TOM1L2: variants seen among roughly 807,000 people sequenced by gnomAD.
TOM1L2 encodes the protein target of myb1 like 2 membrane trafficking protein.
Under a neutral mutation model 67.9 loss-of-function variants are expected in TOM1L2, and 31 were observed. That is an observed-to-expected ratio of 0.46 (90% CI 0.34 to 0.62). The LOEUF (loss-of-function observed/expected upper bound fraction) is 0.62, where lower values mean the gene tolerates loss of function less well. Among genes scored for constraint, TOM1L2 ranks in the 20% least tolerant of loss-of-function variants. The pLI, the probability that TOM1L2 is intolerant of heterozygous loss-of-function variation, is 0.01. For missense variants in TOM1L2, 606 were observed against 663.5 expected, an observed-to-expected ratio of 0.91 and a Z score of 0.95; for synonymous variants, 256 against 254.0, an observed-to-expected ratio of 1.01 and a Z score of -0.07.
chr17:17,943,352 A>G (rs1417951733), intron 1 of TOM1L2, among the ~76,000 whole-genome samples: 1 of 152,140 alleles, frequency 6.6e-6, no homozygotes, highest in Non-Finnish European at 1.5e-5. Flanking sequence ...TAGGAAGGCA[A>G]AGCAGTCTCT....
intron 10 of TOM1L2, 90 bp downstream of exon 10, chr17:17,866,206 T>C (rs2036840829): frequency 2.8e-6 from 4 of 1,445,262 alleles, no homozygotes; most frequent in Non-Finnish European, 3.7e-6. Flanking sequence ...AGACTCTCTT[T>C]GGGTCTTCCA....
At chr17:17,883,232 T>C (rs2037820844) in intron 5 of TOM1L2, among the ~76,000 whole-genome samples, 1 of 152,238 alleles carries the variant, frequency 6.6e-6, no homozygotes, top group South Asian at 2.1e-4. Flanking sequence ...ATCACAGATC[T>C]TTACTTGGTA....
intron 14 of TOM1L2, among the ~76,000 whole-genome samples, chr17:17,848,341 G>A (rs949385333): frequency 6.6e-6 from 1 of 152,184 alleles, no homozygotes; most frequent in Non-Finnish European, 1.5e-5. Context: ...GATGGAGTGG[G>A]GCAAGATGAG....
Position 17,892,178 on chromosome 17 carries a change from T to C in TOM1L2, c.366+1483A>G, listed in dbSNP as rs1256746584. ...GAGGAGGAGTCACTGCTCTGAAAGCTGGGGAAAGACCTTTCAGGCAGAGGG... is the reference window on the plus strand; with the variant it reads ...GAGGAGGAGTCACTGCTCTGAAAGCCGGGGAAAGACCTTTCAGGCAGAGGG... On this transcript the variant is annotated intron_variant, in intron 4 of 14. Transcript: ENST00000379504. Among the ~76,000 whole-genome samples the C allele has an allele frequency of 3.3e-5, 5 of 152,156 alleles. 1 individual carries two copies. The South Asian group carries it at 8.3e-4, about 25-fold the overall frequency.
At chr17:17,925,024 A>G (rs1005387819) in intron 1 of TOM1L2, among the ~76,000 whole-genome samples, 41 of 150,690 alleles carry the variant, frequency 2.7e-4, no homozygotes, top group Admixed American at 3.3e-4. Context: ...TCCCTCCTCC[A>G]CTCTCTCTCT....
chr17:17,865,998 T>A (rs1465007097), intron 10 of TOM1L2, among the ~76,000 whole-genome samples: 1 of 152,088 alleles, frequency 6.6e-6, no homozygotes, highest in Non-Finnish European at 1.5e-5. Context: ...CACCTCGGCC[T>A]CCCATAGTGC....
chr17:17,914,954 G>A (rs2039568091), intron 1 of TOM1L2, among the ~76,000 whole-genome samples: 2 of 152,158 alleles, frequency 1.3e-5, no homozygotes, highest in Non-Finnish European at 2.9e-5. Flanking sequence ...TTGCACAAAT[G>A]TTTTGAGCAA....
intron 7 of TOM1L2, chr17:17,869,770 T>G (rs1362842620): frequency 1.1e-6 from 1 of 950,380 alleles, no homozygotes; most frequent in African/African-American, 1.7e-5. Context: ...CTTTCCAGAT[T>G]GCTTTTTCTC....
intron 1 of TOM1L2, among the ~76,000 whole-genome samples, chr17:17,940,192 CA>C (rs34433429): frequency 0.056 from 1,826 of 32,544 alleles, 18 homozygotes; most frequent in African/African-American, 0.13. Context: ...GACTCTATCT[CA>C]AAAAAAAAAA....
At chr17:17,938,622 A>C (rs2040600564) in intron 1 of TOM1L2, among the ~76,000 whole-genome samples, 1 of 152,166 alleles carries the variant, frequency 6.6e-6, no homozygotes, top group Non-Finnish European at 1.5e-5. Context: ...ACTTCTACCC[A>C]CATACTCATA....
intron 1 of TOM1L2, among the ~76,000 whole-genome samples, chr17:17,912,810 G>A (rs1283391550): frequency 2.6e-5 from 4 of 151,970 alleles, no homozygotes; most frequent in Non-Finnish European, 5.9e-5. Flanking sequence ...CTGCAATCTC[G>A]GCACTTTGGG....
intron 2 of TOM1L2, among the ~76,000 whole-genome samples, chr17:17,904,013 T>TATTATTATTATTTC (rs2038977595): frequency 6.6e-6 from 1 of 152,052 alleles, no homozygotes; most frequent in African/African-American, 2.4e-5. Flanking sequence ...ATTATTATTT[T>TATTATTATTATTTC]TAAGATATGG....
At chr17:17,886,407 G>C (rs754498566) in intron 4 of TOM1L2, among the ~76,000 whole-genome samples, 2 of 152,256 alleles carry the variant, frequency 1.3e-5, no homozygotes, top group African/African-American at 4.8e-5. Flanking sequence ...ACAGAGCACT[G>C]TCTGGAAGGC....
chr17:17,887,424 C>T (rs889911939), intron 4 of TOM1L2, among the ~76,000 whole-genome samples: 3 of 152,176 alleles, frequency 2.0e-5, no homozygotes, highest in Non-Finnish European at 4.4e-5. Flanking sequence ...TATGTGAAAA[C>T]GTACAGATGG....
chr17:17,899,185 C>T (rs2038725706), intron 2 of TOM1L2, among the ~76,000 whole-genome samples: 1 of 152,216 alleles, frequency 6.6e-6, no homozygotes, highest in Admixed American at 6.5e-5. Flanking sequence ...CCCTAACTAA[C>T]CCACTGGTGT....
intron 2 of TOM1L2, among the ~76,000 whole-genome samples, chr17:17,901,055 G>A (rs1244707519): frequency 3.9e-5 from 6 of 152,310 alleles, no homozygotes; most frequent in Non-Finnish European, 5.9e-5. Context: ...TGGGGGCCAC[G>A]GGGTGGGAAA....
At chr17:17,902,132 C>T (rs549864128) in intron 2 of TOM1L2, among the ~76,000 whole-genome samples, 1 of 152,254 alleles carries the variant, frequency 6.6e-6, no homozygotes, top group African/African-American at 2.4e-5. Flanking sequence ...GCTGAGATCA[C>T]ACCATTGCAC....
intron 1 of TOM1L2, among the ~76,000 whole-genome samples, chr17:17,919,730 A>G (rs2039775682): frequency 6.6e-6 from 1 of 152,226 alleles, no homozygotes; most frequent in African/African-American, 2.4e-5. Context: ...ACTGGTCTCA[A>G]GTCTTCAAGG....
chr17:17,894,368 GC>G (rs779424686), intron 3 of TOM1L2, among the ~76,000 whole-genome samples: 3 of 152,214 alleles, frequency 2.0e-5, no homozygotes, highest in Non-Finnish European at 2.9e-5. Flanking sequence ...GTGGACCTCA[GC>G]TGCCAGGTGA....
Sources: allele counts gnomAD v4.1 joint callset (sites outside exome capture counted in the v4.1 genomes callset), GRCh38; gene constraint gnomAD v4.1.1; transcripts MANE v1.5; gene names NCBI Gene and HGNC (gene_info 2026-07-23, HGNC 2026-07-21).